Variants in FER observed in about 807,000 individuals in gnomAD.
FER encodes the protein tyrosine-protein kinase Fer.
In FER, 63 loss-of-function variants were observed where a neutral mutation model predicts 111.0. The ratio of observed to expected loss-of-function variants is 0.57; its 90% CI spans 0.46 to 0.70. The LOEUF is 0.70. FER is among the 30% of genes least tolerant of loss of function. FER has a pLI of 0.00. For synonymous variants in FER, 327 were observed against 313.9 expected (o/e 1.04, Z -0.44); for missense variants, 914 against 954.0 (o/e 0.96, Z 0.55).
At chr5:108,778,129 T>A (rs1753692743) in intron 2 of FER, among the ~76,000 whole-genome samples, 1 of 152,226 alleles carries the variant, frequency 6.6e-6, no homozygotes, top group Non-Finnish European at 1.5e-5. Flanking sequence ...CATGGCTTGA[T>A]AGTTCAGTTC....
chr5:108,759,927 G>T (rs1367636288), intron 1 of FER, among the ~76,000 whole-genome samples: 2 of 152,182 alleles, frequency 1.3e-5, no homozygotes, highest in Admixed American at 6.5e-5. Flanking sequence ...GGAAAAAGGG[G>T]AAACAGCCCA....
intron 11 of FER, among the ~76,000 whole-genome samples, chr5:108,948,569 A>T (rs1384398820): frequency 6.6e-6 from 1 of 152,078 alleles, no homozygotes; most frequent in Non-Finnish European, 1.5e-5. Context: ...TCTGAAGCCA[A>T]GGCCTAGAGA....
chr5:108,823,736 T>G (rs867406183), intron 3 of FER, among the ~76,000 whole-genome samples: 3 of 152,206 alleles, frequency 2.0e-5, no homozygotes, highest in Non-Finnish European at 4.4e-5. Flanking sequence ...AGATTGCCTT[T>G]TTATTTGGTT....
At chr5:108,871,567 A>G in intron 7 of FER, 65 bp downstream of exon 7, 1 of 1,198,242 alleles carries the variant, frequency 8.3e-7, no homozygotes, top group Non-Finnish European at 1.1e-6. Flanking sequence ...TACAATAGTT[A>G]ACCACAGATA....
chr5:108,907,487 G>C (rs1165072717), intron 10 of FER, among the ~76,000 whole-genome samples: 4 of 151,864 alleles, frequency 2.6e-5, no homozygotes, highest in African/African-American at 7.3e-5. Context: ...TAGAGACGGG[G>C]TTTTATCATC....
intron 13 of FER, among the ~76,000 whole-genome samples, chr5:108,961,121 G>T (rs541767748): frequency 6.6e-6 from 1 of 152,146 alleles, no homozygotes; most frequent in Admixed American, 6.5e-5. Flanking sequence ...AATTATTCAT[G>T]TGGAAGTATG....
At chr5:108,859,649 G>C (rs1165706587) in intron 5 of FER, among the ~76,000 whole-genome samples, 1 of 152,146 alleles carries the variant, frequency 6.6e-6, no homozygotes, top group East Asian at 1.9e-4. Flanking sequence ...ATGGAATGTA[G>C]ATTTGGACAT....
chr5:108,883,093 T>C (rs1765834405), intron 8 of FER, among the ~76,000 whole-genome samples: 2 of 152,012 alleles, frequency 1.3e-5, no homozygotes, highest in Admixed American at 1.3e-4. Flanking sequence ...CTCTTTTCTT[T>C]ACCTACTTCT....
intron 16 of FER, among the ~76,000 whole-genome samples, chr5:109,077,606 T>C (rs1221395150): frequency 2.0e-5 from 3 of 152,178 alleles, no homozygotes; most frequent in African/African-American, 7.2e-5. Context: ...GTAAACTCTG[T>C]CATTAAACCT....
chr5:109,039,376 T>A (rs1770841171), intron 14 of FER, among the ~76,000 whole-genome samples: 2 of 152,100 alleles, frequency 1.3e-5, no homozygotes, highest in Admixed American at 1.3e-4. Context: ...TGTTTTACAG[T>A]TTCAATGAGC....
rs372354718 is a variant in FER at position 109,123,644 on chromosome 5, AAACT to A, written c.2048+23129_2048+23132del. The stretch of plus-strand genomic sequence containing the variant: ...TCAATTTATCACTGGTTATATAAAC[AAACT>A]AACAAGCAAAGAGAAAACTAATAAA... On this transcript the variant is annotated intron_variant, in intron 17 of 19. Coordinates refer to ENST00000281092, the MANE Select transcript of FER (RefSeq NM_005246.4). Among the ~76,000 whole-genome samples, 37 of 152,324 alleles carry A rather than the reference AAACT, an allele frequency of 2.4e-4. No individual in the cohort carries two copies. In the South Asian group the frequency reaches 5.4e-3, roughly 22 times the overall value.
chr5:108,963,635 C>T (rs1759431670), intron 13 of FER, among the ~76,000 whole-genome samples: 1 of 152,100 alleles, frequency 6.6e-6, no homozygotes, highest in African/African-American at 2.4e-5. Context: ...CCTTAGACAA[C>T]CAGCTTAAAT....
intron 15 of FER, among the ~76,000 whole-genome samples, chr5:109,045,868 T>C (rs919434365): frequency 6.6e-6 from 1 of 152,210 alleles, no homozygotes; most frequent in African/African-American, 2.4e-5. Context: ...CAGGCTGTGA[T>C]GTTAGCAAGC....
intron 17 of FER, among the ~76,000 whole-genome samples, chr5:109,123,527 A>AT (rs1751283293): frequency 6.6e-6 from 1 of 150,712 alleles, no homozygotes; most frequent in African/African-American, 2.4e-5. Context: ...CTTGCTTTTT[A>AT]TTTTTTTGTA....
chr5:108,855,219 A>G (rs1172598966), intron 5 of FER, among the ~76,000 whole-genome samples: 1 of 152,214 alleles, frequency 6.6e-6, no homozygotes, highest in African/African-American at 2.4e-5. Context: ...GTTAATTGTC[A>G]TTTAAAGCCA....
intron 17 of FER, among the ~76,000 whole-genome samples, chr5:109,160,903 G>A (rs144243216): frequency 1.2e-4 from 19 of 152,288 alleles, no homozygotes; most frequent in African/African-American, 4.3e-4. Context: ...CTGAAAGACT[G>A]ATGACGGATG....
chr5:108,966,983 T>C (rs1404664415), intron 13 of FER, among the ~76,000 whole-genome samples: 1 of 152,154 alleles, frequency 6.6e-6, no homozygotes, highest in Non-Finnish European at 1.5e-5. Flanking sequence ...TATCATAAAG[T>C]AGCCCAAAGC....
At chr5:109,135,558 T>C (rs186419911) in intron 17 of FER, among the ~76,000 whole-genome samples, 1 of 152,278 alleles carries the variant, frequency 6.6e-6, no homozygotes, top group Non-Finnish European at 1.5e-5. Flanking sequence ...TTGGGTATTA[T>C]AAATACAGAT....
chr5:108,966,391 T>C (rs1759830642), intron 13 of FER, among the ~76,000 whole-genome samples: 1 of 146,830 alleles, frequency 6.8e-6, no homozygotes, highest in Non-Finnish European at 1.5e-5. Context: ...TTCTTTTCTT[T>C]TTTTTTTTTT....
Sources: allele counts gnomAD v4.1 joint callset (sites outside exome capture counted in the v4.1 genomes callset), GRCh38; gene constraint gnomAD v4.1.1; transcripts MANE v1.5; gene names NCBI Gene and HGNC (gene_info 2026-07-23, HGNC 2026-07-21).